Variants in KREMEN1 observed in about 807,000 individuals in gnomAD.
The protein encoded by KREMEN1 is kremen protein 1.
In KREMEN1, 30 loss-of-function variants were observed where a neutral mutation model predicts 46.5. The observed-to-expected ratio is 0.65, with a 90% CI of 0.48 to 0.88. KREMEN1 has a LOEUF of 0.88. Ranked by LOEUF, KREMEN1 falls within the 40% of genes least tolerant of loss-of-function variation. KREMEN1 has a pLI of 0.00. For synonymous variants in KREMEN1, 214 were observed against 230.6 expected (o/e 0.93, Z 0.65); for missense variants, 533 against 596.9 (o/e 0.89, Z 1.11).
At chr22:29,124,546 G>A (rs1334934223) in intron 4 of KREMEN1, among the ~76,000 whole-genome samples, 1 of 151,154 alleles carries the variant, frequency 6.6e-6, no homozygotes, top group African/African-American at 2.4e-5. Context: ...AGGCTGCAGT[G>A]CAGTGATGCA....
At chr22:29,097,192 C>T (rs1414345417) in intron 2 of KREMEN1, among the ~76,000 whole-genome samples, 1 of 152,268 alleles carries the variant, frequency 6.6e-6, no homozygotes, top group Non-Finnish European at 1.5e-5. Flanking sequence ...TCCGGCCTAA[C>T]CGGAGTGTCA....
At chr22:29,138,555 C>G in intron 6 of KREMEN1, 69 bp from the exon 7 acceptor site, 2 of 1,455,944 alleles carry the variant, frequency 1.4e-6, no homozygotes, top group Non-Finnish European at 1.9e-6. Flanking sequence ...ATAACTCGTG[C>G]TCTCCTCCCG....
At position 29,125,332 on chromosome 22, in the gene KREMEN1, G is replaced by A. The variant is rs778409016; in HGVS notation, c.547G>A (p.Ala183Thr). The A allele has an allele frequency of 1.9e-6, 3 of 1,614,102 alleles. No individual in the cohort carries two copies. Among genetic ancestry groups the A allele is most frequent in the Non-Finnish European group, 2.5e-6 (3 of 1,179,994 alleles). The change falls in exon 5 of 9, where the codon GCA (alanine) becomes ACA (threonine). Residue 183 changes from alanine (A) to threonine (T), a missense_variant. By Grantham distance (58) the Ala-to-Thr change is moderately conservative. Transcript: ENST00000400335. ...TCCTGATTACTGGAAGTACGGGGAG[G>A]CAGCCAGTACCGAATGCAACAGCGT... is the stretch of plus-strand genomic sequence containing the variant. Reference protein sequence around the residue: ...NNPDYWKYGEAASTECNSVCF... With the variant: ...NNPDYWKYGETASTECNSVCF...
At chr22:29,125,132 G>A (rs1158643427) in intron 4 of KREMEN1, 131 bp from the exon 5 acceptor site, 3 of 864,846 alleles carry the variant, frequency 3.5e-6, no homozygotes, top group Non-Finnish European at 5.6e-6. Context: ...GGAAGAAGGG[G>A]GAGGTCCCAG....
intron 1 of KREMEN1, among the ~76,000 whole-genome samples, chr22:29,080,540 G>A (rs564952009): frequency 6.6e-6 from 1 of 152,320 alleles, no homozygotes; most frequent in East Asian, 1.9e-4. Context: ...GCAGATGAAG[G>A]GTTTTTGGTT....
At chr22:29,104,083 A>C (rs2038013203) in intron 3 of KREMEN1, among the ~76,000 whole-genome samples, 2 of 152,088 alleles carry the variant, frequency 1.3e-5, no homozygotes, top group African/African-American at 4.8e-5. Context: ...TAATATTTTA[A>C]ATATAAAGAG....
chr22:29,145,813 C>A lies in KREMEN1; in HGVS notation c.*3701C>A, dbSNP rs146853863. The stretch of plus-strand genomic sequence containing the variant: ...GGCTCTGGCTCAAGACTCCAATCGG[C>A]CAGAAGCCCACAGAGATCAAAGCAC... On this transcript the variant is annotated 3_prime_UTR_variant, in exon 9 of 9. Transcript: ENST00000400335. 3.4e-5 allele frequency: 34 copies of A among 985,534 alleles called. No individual in the cohort carries two copies. The East Asian group carries it at 3.7e-3, about 109-fold the overall frequency. The allele number at this position is 985,534 out of a possible 1,614,324, so 61.0% of individuals were successfully genotyped here. A position where few individuals can be genotyped will look rare whatever the true frequency, so the allele number is the denominator to read the frequency against.
chr22:29,095,164 C>T (rs1194486339), intron 2 of KREMEN1, among the ~76,000 whole-genome samples: 2 of 152,174 alleles, frequency 1.3e-5, no homozygotes, highest in Non-Finnish European at 2.9e-5. Flanking sequence ...TGTTGTGCCT[C>T]CGGCCAGCCC....
chr22:29,092,901 G>T (rs2037825403), intron 1 of KREMEN1, among the ~76,000 whole-genome samples: 1 of 152,166 alleles, frequency 6.6e-6, no homozygotes, highest in South Asian at 2.1e-4. Flanking sequence ...CTTGAACCTG[G>T]GAGGCGGAGG....
intron 3 of KREMEN1, among the ~76,000 whole-genome samples, chr22:29,103,807 A>G (rs2145779897): frequency 6.6e-6 from 1 of 152,356 alleles, no homozygotes; most frequent in African/African-American, 2.4e-5. Flanking sequence ...CAATTTTATT[A>G]GCTACAATAA....
At chr22:29,156,328 C>G (rs1789538776) in intron 9 of KREMEN1, among the ~76,000 whole-genome samples, 1 of 152,238 alleles carries the variant, frequency 6.6e-6, no homozygotes, top group Non-Finnish European at 1.5e-5. Flanking sequence ...TCTCCAGGCC[C>G]CCTGGGCCAC....
At chr22:29,161,285 A>T (rs1156957320) in intron 9 of KREMEN1, among the ~76,000 whole-genome samples, 1 of 152,100 alleles carries the variant, frequency 6.6e-6, no homozygotes, top group African/African-American at 2.4e-5. Flanking sequence ...AGGTGGGCAG[A>T]TCATGAGGTC....
intron 2 of KREMEN1, among the ~76,000 whole-genome samples, chr22:29,095,968 AG>A (rs2145766107): frequency 6.6e-6 from 1 of 152,270 alleles, no homozygotes; most frequent in South Asian, 2.1e-4. Flanking sequence ...CTCCCCACCA[AG>A]TCCCAAGTCC....
In KREMEN1 at chr22:29,125,257, T is replaced by C. The variant is rs1351599159; in HGVS notation, c.478-6T>C. 6.2e-7 allele frequency: 1 copy of C among 1,614,032 alleles called. No homozygotes were observed. Among genetic ancestry groups the C allele is most frequent in the Admixed American group, 1.7e-5 (1 of 60,008 alleles). ...CTTACCGTGTGCTGCTTCTCTGTTG[T>C]GGCAGTTTGCTGGGATGGAGTCAGG... is the stretch of plus-strand genomic sequence containing the variant. On this transcript the variant is annotated splice_region_variant and splice_polypyrimidine_tract_variant and intron_variant, in intron 4 of 8. Transcript: ENST00000400335.
At chr22:29,090,455 A>C (rs1031502523) in intron 1 of KREMEN1, among the ~76,000 whole-genome samples, 19 of 152,280 alleles carry the variant, frequency 1.2e-4, no homozygotes, top group African/African-American at 4.1e-4. Context: ...TAATCTGTAC[A>C]ACACACCCCT....
chr22:29,086,326 T>C (rs549691903), intron 1 of KREMEN1, among the ~76,000 whole-genome samples: 1 of 152,308 alleles, frequency 6.6e-6, no homozygotes, highest in East Asian at 1.9e-4. Flanking sequence ...GCTGCTTCTC[T>C]GATATCATTT....
rs1459185635 is a variant in KREMEN1 at position 29,137,415 on chromosome 22, C to G, written c.705C>G (p.Thr235=). Residue 235 remains threonine (T), a synonymous_variant, in exon 6 of 9, where the codon ACC becomes ACG. Transcript: ENST00000400335. ...TCTATTCCCCTGACTTCCCCGACAC[C>G]TATGCCACGGGGAGGGTCTGCTACT... is the stretch of plus-strand genomic sequence containing the variant. ...SVVYSPDFPD[T]YATGRVCYWT... is the part of the protein sequence containing the mutation. 3 of 1,580,098 alleles carry G rather than the reference C, an allele frequency of 1.9e-6. No individual in the cohort carries two copies. In the Admixed American group the frequency reaches 5.1e-5, roughly 27 times the overall value.
chr22:29,148,459 GTT>G (rs71196635), downstream of KREMEN1, among the ~76,000 whole-genome samples: 1 of 143,292 alleles, frequency 7.0e-6, no homozygotes, highest in African/African-American at 2.5e-5. Context: ...TGTTTTTTTT[GTT>G]TTTTTTTTTT....
In KREMEN1 at chr22:29,145,566, A is replaced by G; in HGVS notation, c.*3454A>G. ...AGTGTCTTGGCCAGCTGTGGCCCCT[A>G]GTTTCTAGCAGCGTTTCTCAGTGTC... On this transcript the variant is annotated 3_prime_UTR_variant, in exon 9 of 9. Transcript: ENST00000400335. 1 of 985,494 alleles carries G rather than the reference A, an allele frequency of 1.0e-6. No individual in the cohort carries two copies. The highest frequency in any genetic ancestry group is 1.2e-6 in the Non-Finnish European group (1 of 829,988). 61.0% of individuals were successfully genotyped at this position (985,494 alleles called of 1,614,324 possible). A position where few individuals can be genotyped will look rare whatever the true frequency, so the allele number is the denominator to read the frequency against.
Sources: gnomAD v4.1 joint callset for allele counts (sites outside exome capture counted in the v4.1 genomes callset) on GRCh38, gnomAD v4.1.1 for gene constraint, MANE v1.5 for transcripts, NCBI Gene and HGNC (gene_info 2026-07-23, HGNC 2026-07-21) for gene names.